STK3: variants seen among roughly 807,000 people sequenced by gnomAD.
The protein encoded by STK3 is serine/threonine kinase 3, also known as serine/threonine-protein kinase 3.
Under a neutral mutation model 58.0 loss-of-function variants are expected in STK3, and 41 were observed. The ratio of observed to expected loss-of-function variants is 0.71; its 90% CI spans 0.55 to 0.92. The LOEUF (loss-of-function observed/expected upper bound fraction) is 0.92, where lower values mean the gene tolerates loss of function less well. Ranked by LOEUF, STK3 falls within the 40% of genes least tolerant of loss-of-function variation. STK3 has a pLI of 0.00. For synonymous variants in STK3, 170 were observed against 191.0 expected, an observed-to-expected ratio of 0.89 and a Z score of 0.91; for missense variants, 479 against 602.7, an observed-to-expected ratio of 0.79 and a Z score of 2.15.
the STK3 span, among the ~76,000 whole-genome samples, chr8:98,353,715 T>C: frequency 6.6e-6 from 1 of 152,286 alleles, no homozygotes; most frequent in South Asian, 2.1e-4. Flanking sequence ...TCCCAACTGA[T>C]AAATGAAAAT....
At chr8:98,458,348 T>C (rs1819670103) in intron 10 of STK3, among the ~76,000 whole-genome samples, 1 of 152,242 alleles carries the variant, frequency 6.6e-6, no homozygotes, top group Non-Finnish European at 1.5e-5. Context: ...GCATGATTTC[T>C]TTCAACAGTG....
At chr8:98,829,975 C>T (rs1459889907), upstream of STK3, among the ~76,000 whole-genome samples, 1 of 151,282 alleles carries the variant, frequency 6.6e-6, no homozygotes, top group Non-Finnish European at 1.5e-5. Flanking sequence ...GCCTATAATC[C>T]CAGCACTTTG....
intron 6 of STK3, chr8:98,633,834 G>T: frequency 2.2e-6 from 1 of 448,612 alleles, no homozygotes; most frequent in Non-Finnish European, 4.2e-6. Context: ...CAAATTTGAA[G>T]ATCCCAAACT....
At chr8:98,829,634 C>A (rs1835452498), upstream of STK3, among the ~76,000 whole-genome samples, 1 of 152,098 alleles carries the variant, frequency 6.6e-6, no homozygotes, top group South Asian at 2.1e-4. Flanking sequence ...AAGGAGTTAC[C>A]CTAGGATAAA....
chr8:98,349,644 G>A, the STK3 span, among the ~76,000 whole-genome samples: 20 of 152,200 alleles, frequency 1.3e-4, no homozygotes, highest in Non-Finnish European at 2.1e-4. Context: ...GGACATCCAG[G>A]CATTTCCATA....
chr8:98,655,001 A>G (rs1391432279), intron 6 of STK3, among the ~76,000 whole-genome samples: 3 of 149,734 alleles, frequency 2.0e-5, no homozygotes, highest in Admixed American at 6.7e-5. Flanking sequence ...GTTCATATGG[A>G]AAAAAAAAAG....
intron 8 of STK3, among the ~76,000 whole-genome samples, chr8:98,566,225 T>C (rs1430514306): frequency 6.6e-6 from 1 of 152,134 alleles, no homozygotes; most frequent in Non-Finnish European, 1.5e-5. Flanking sequence ...TTTATAATAG[T>C]TACCCAGGGC....
At chr8:98,479,471 A>T (rs1180248789) in intron 10 of STK3, among the ~76,000 whole-genome samples, 2 of 98,504 alleles carry the variant, frequency 2.0e-5, no homozygotes, top group Non-Finnish European at 3.7e-5. Flanking sequence ...TGGGTGACAG[A>T]GCAACACTCC....
intron 3 of STK3, among the ~76,000 whole-genome samples, chr8:98,415,298 T>C (rs560113801): frequency 6.6e-6 from 1 of 152,380 alleles, no homozygotes; most frequent in East Asian, 1.9e-4. Context: ...GTCTCGGGTA[T>C]TTTGTTATAG....
At position 98,893,980 on chromosome 8, in the gene STK3, T is replaced by C. The variant is rs1587814041; in HGVS notation, c.-78-10146A>G. ...CTCCCCAAGTATACCCTTTTACCTA[T>C]AATCAGTATAGCGGAAGGATAAGAT... is the stretch of plus-strand genomic sequence containing the variant. On this transcript the variant is annotated intron_variant, in intron 1 of 1. Coordinates refer to the STK3 transcript ENST00000519420. Among the ~76,000 whole-genome samples the C allele has an allele frequency of 2.0e-5, 3 of 152,360 alleles. No individual in the cohort carries two copies. In the East Asian group the frequency reaches 5.8e-4, roughly 29 times the overall value.
chr8:98,548,805 C>T (rs1477295823), intron 8 of STK3, among the ~76,000 whole-genome samples: 2 of 151,988 alleles, frequency 1.3e-5, no homozygotes, highest in African/African-American at 4.8e-5. Flanking sequence ...ACTATTCATA[C>T]CATAGTACTA....
intron 6 of STK3, among the ~76,000 whole-genome samples, chr8:98,597,095 A>G (rs1038820534): frequency 5.3e-5 from 8 of 152,152 alleles, no homozygotes; most frequent in African/African-American, 1.9e-4. Flanking sequence ...TGAAAAAAGG[A>G]AGCATGAAAA....
rs1158137088 is a variant in STK3 at position 98,940,241 on chromosome 8, G to T, written c.-79+2137C>A. Among the ~76,000 whole-genome samples the T allele has an allele frequency of 3.3e-5, 5 of 152,318 alleles. 1 individual carries two copies. In the South Asian group the frequency reaches 1.0e-3, roughly 32 times the overall value. On this transcript the variant is annotated intron_variant, in intron 1 of 1. Coordinates refer to the STK3 transcript ENST00000519420. ...GCTCCTCCCCCGGGACCATCCTCAC[G>T]CTCCAGGGTCGCGGAGGCATCTTGC...
At chr8:98,592,101 T>C (rs1744784558) in intron 7 of STK3, among the ~76,000 whole-genome samples, 1 of 152,210 alleles carries the variant, frequency 6.6e-6, no homozygotes, top group Admixed American at 6.5e-5. Flanking sequence ...TGTTGCAATA[T>C]TATGTTATCA....
At chr8:98,713,884 A>C (rs1247693702) in intron 4 of STK3, among the ~76,000 whole-genome samples, 1 of 152,214 alleles carries the variant, frequency 6.6e-6, no homozygotes, top group Non-Finnish European at 1.5e-5. Flanking sequence ...ATCCTCAATA[A>C]AATACTGACA....
At chr8:98,408,041 A>T (rs1420726843) in intron 3 of STK3, among the ~76,000 whole-genome samples, 1 of 152,194 alleles carries the variant, frequency 6.6e-6, no homozygotes, top group Admixed American at 6.5e-5. Context: ...GATGAGACGC[A>T]CTTGATGAGA....
intron 1 of STK3, among the ~76,000 whole-genome samples, chr8:98,893,421 G>GAAA (rs1838280792): frequency 2.1e-4 from 13 of 60,534 alleles, no homozygotes; most frequent in Non-Finnish European, 4.0e-4. Context: ...AAGGAAGGAA[G>GAAA]GAAAGAAAGA....
At chr8:98,659,784 A>C (rs1430062438) in intron 6 of STK3, among the ~76,000 whole-genome samples, 1 of 152,026 alleles carries the variant, frequency 6.6e-6, no homozygotes, top group East Asian at 1.9e-4. Context: ...AGCAATACAT[A>C]AGTTAGCAAT....
At chr8:98,364,365 C>T in the STK3 span, among the ~76,000 whole-genome samples, 1 of 152,166 alleles carries the variant, frequency 6.6e-6, no homozygotes, top group Non-Finnish European at 1.5e-5. Context: ...TAGCCACTGG[C>T]TGCCAACTCC....
Sources: gnomAD v4.1 joint callset for allele counts (sites outside exome capture counted in the v4.1 genomes callset) on GRCh38, gnomAD v4.1.1 for gene constraint, MANE v1.5 for transcripts, NCBI Gene and HGNC (gene_info 2026-07-23, HGNC 2026-07-21) for gene names.